Variants in LIN28B observed in about 807,000 individuals in gnomAD.
LIN28B encodes the protein protein lin-28 homolog B.
A neutral mutation model predicts 21.9 loss-of-function variants in LIN28B; 5 were observed. The ratio of observed to expected loss-of-function variants is 0.23; its 90% confidence interval spans 0.12 to 0.48. LIN28B has a LOEUF of 0.48. LIN28B is among the 20% of genes least tolerant of loss of function. The probability of loss-of-function intolerance (pLI) is 0.98; values close to 1 mark genes in which losing one functional copy is unlikely to be tolerated. For synonymous variants in LIN28B, 109 were observed against 111.3 expected (o/e 0.98, Z 0.13); for missense variants, 245 against 310.5 (o/e 0.79, Z 1.58).
At chr6:105,011,322 T>C (rs1404599611) in intron 2 of LIN28B, among the ~76,000 whole-genome samples, 1 of 152,130 alleles carries the variant, frequency 6.6e-6, no homozygotes, top group Non-Finnish European at 1.5e-5. Flanking sequence ...TCTAGAGTAG[T>C]TGGGACTACA....
In LIN28B at chr6:105,026,413, G is replaced by A. The variant is rs754925635; in HGVS notation, c.314G>A (p.Ser105Asn). Residue 105 changes from serine (S) to asparagine (N), a missense_variant, in exon 3 of 4, where the codon AGC becomes AAC. Transcript: ENST00000345080. ...ESIRVTGPGG[S>N]PCLGSERRPK... ...ATACGGGTAACAGGACCTGGTGGGA[G>A]CCCCTGTTTAGGAAGTGAAAGAAGA... is the stretch of plus-strand genomic sequence containing the variant. 5 of 1,611,584 alleles carry A rather than the reference G, an allele frequency of 3.1e-6. No individual in the cohort carries two copies. The highest frequency in any genetic ancestry group is 4.2e-6 in the Non-Finnish European group (5 of 1,178,758).
intron 2 of LIN28B, among the ~76,000 whole-genome samples, chr6:104,979,786 G>A (rs1770182957): frequency 6.6e-6 from 1 of 152,132 alleles, no homozygotes; most frequent in African/African-American, 2.4e-5. Context: ...GCATTTGAGT[G>A]ACAGATTCTG....
At chr6:105,042,177 C>T (rs947599723) in intron 3 of LIN28B, among the ~76,000 whole-genome samples, 2 of 151,902 alleles carry the variant, frequency 1.3e-5, no homozygotes, top group African/African-American at 2.4e-5. Flanking sequence ...AGAGGATTCT[C>T]CAGAAGAAAA....
chr6:104,973,418 A>C (rs574051672), intron 2 of LIN28B, among the ~76,000 whole-genome samples: 10 of 152,272 alleles, frequency 6.6e-5, no homozygotes, highest in East Asian at 1.9e-4. Context: ...TTGGTGCTTT[A>C]TGCTGTCCCC....
intron 2 of LIN28B, among the ~76,000 whole-genome samples, chr6:104,943,438 G>A (rs777483529): frequency 1.3e-5 from 2 of 151,988 alleles, no homozygotes; most frequent in Non-Finnish European, 2.9e-5. Flanking sequence ...TAATTGAAGC[G>A]CTAGGCACAG....
At chr6:104,974,007 C>T (rs1487141928) in intron 2 of LIN28B, among the ~76,000 whole-genome samples, 1 of 152,184 alleles carries the variant, frequency 6.6e-6, no homozygotes, top group African/African-American at 2.4e-5. Flanking sequence ...CATCATTTGT[C>T]ATCTGAAGAT....
At chr6:105,010,607 CT>C in intron 2 of LIN28B, among the ~76,000 whole-genome samples, 1 of 152,152 alleles carries the variant, frequency 6.6e-6, no homozygotes, top group East Asian at 1.9e-4. Flanking sequence ...TATTATACCT[CT>C]GTGGATTCAT....
chr6:105,036,056 T>G (rs1562101048), intron 3 of LIN28B, among the ~76,000 whole-genome samples: 1 of 152,220 alleles, frequency 6.6e-6, no homozygotes, highest in East Asian at 1.9e-4. Flanking sequence ...TTTTTGAGAC[T>G]GCTCTTTTAA....
chr6:105,035,919 T>A (rs1421530798), intron 3 of LIN28B, among the ~76,000 whole-genome samples: 1 of 152,174 alleles, frequency 6.6e-6, no homozygotes, highest in Non-Finnish European at 1.5e-5. Context: ...ATGAAGTGAC[T>A]GAGGATTTAG....
intron 2 of LIN28B, among the ~76,000 whole-genome samples, chr6:105,006,034 G>T (rs1488748847): frequency 6.6e-6 from 1 of 152,144 alleles, no homozygotes; most frequent in African/African-American, 2.4e-5. Flanking sequence ...CTTTGTGTCT[G>T]TTTCCTTTAT....
intron 2 of LIN28B, among the ~76,000 whole-genome samples, chr6:104,976,409 A>G (rs1188187433): frequency 6.6e-6 from 1 of 152,222 alleles, no homozygotes; most frequent in Non-Finnish European, 1.5e-5. Flanking sequence ...GCATTCTAAC[A>G]GAAGAAGGAG....
At chr6:105,056,090 CTCATTTGT>C (rs1772017557) in intron 3 of LIN28B, among the ~76,000 whole-genome samples, 1 of 151,738 alleles carries the variant, frequency 6.6e-6, no homozygotes, top group Non-Finnish European at 1.5e-5. Flanking sequence ...ACCACTATTC[CTCATTTGT>C]TCATTCATTA....
At chr6:105,068,054 T>C (rs952754466) in intron 3 of LIN28B, among the ~76,000 whole-genome samples, 2 of 152,222 alleles carry the variant, frequency 1.3e-5, no homozygotes, top group African/African-American at 4.8e-5. Context: ...ATAGAGCTAT[T>C]ACTGTATTTT....
At chr6:105,010,853 C>G (rs750373691) in intron 2 of LIN28B, among the ~76,000 whole-genome samples, 1 of 152,174 alleles carries the variant, frequency 6.6e-6, no homozygotes, top group Non-Finnish European at 1.5e-5. Context: ...CTTCATGTCC[C>G]TCTTTAGTCA....
At chr6:104,986,660 TG>T (rs1475560527) in intron 2 of LIN28B, among the ~76,000 whole-genome samples, 1 of 152,152 alleles carries the variant, frequency 6.6e-6, no homozygotes, top group Non-Finnish European at 1.5e-5. Flanking sequence ...TCGTAAGAAT[TG>T]GTCATTCTTG....
At chr6:105,072,004 T>C (rs1772341776) in intron 3 of LIN28B, among the ~76,000 whole-genome samples, 1 of 152,102 alleles carries the variant, frequency 6.6e-6, no homozygotes, top group African/African-American at 2.4e-5. Flanking sequence ...CAGTCTTTTG[T>C]TTTATAGATG....
At chr6:105,047,165 T>C (rs1771786680) in intron 3 of LIN28B, among the ~76,000 whole-genome samples, 1 of 152,228 alleles carries the variant, frequency 6.6e-6, no homozygotes, top group African/African-American at 2.4e-5. Context: ...AACATTTAAG[T>C]CTTTAATTCA....
chr6:105,002,189 T>A (rs1770733569), intron 2 of LIN28B, among the ~76,000 whole-genome samples: 2 of 149,282 alleles, frequency 1.3e-5, no homozygotes, highest in East Asian at 1.9e-4. Flanking sequence ...TTTTTTTTTT[T>A]ACAGGAGAAG....
chr6:105,055,784 C>G (rs568581298), intron 3 of LIN28B, among the ~76,000 whole-genome samples: 4 of 151,964 alleles, frequency 2.6e-5, no homozygotes, highest in African/African-American at 7.3e-5. Flanking sequence ...TCCCTCCACC[C>G]TTCAGACAGG....
Sources: allele counts gnomAD v4.1 joint callset (sites outside exome capture counted in the v4.1 genomes callset), GRCh38; gene constraint gnomAD v4.1.1; transcripts MANE v1.5; gene names NCBI Gene and HGNC (gene_info 2026-07-23, HGNC 2026-07-21).